RTL8A: variants seen among roughly 807,000 people sequenced by gnomAD.
RTL8A encodes retrotransposon Gag-like protein 8A.
Under a neutral mutation model 4.4 loss-of-function variants are expected in RTL8A, and 4 were observed. The ratio of observed to expected loss-of-function variants is 0.92; its 90% CI spans 0.45 to 2.10. The LOEUF is 2.10. Among genes scored for constraint, RTL8A ranks in the 30% most tolerant of loss-of-function variants. RTL8A has a pLI of 0.03. For synonymous variants in RTL8A, 47 were observed against 45.3 expected (o/e 1.04, Z -0.15); for missense variants, 84 against 99.4 (o/e 0.85, Z 0.66).
chrX:135,051,441 G>A lies in RTL8A; in HGVS notation c.*326C>T. The A allele has an allele frequency of 9.2e-7, 1 of 1,090,456 alleles. No homozygotes were observed. The highest frequency in any genetic ancestry group is 1.9e-5 in the South Asian group (1 of 51,327). The allele number at this position is 1,090,456 out of a possible 1,213,427, so 89.9% of individuals were successfully genotyped here. ...TGGGTTGGCAGCAGCGGCTGTGGGTGGTCTGTCCAGTATGTAACAGGAGCC... is the reference window on the plus strand; with the variant it reads ...TGGGTTGGCAGCAGCGGCTGTGGGTAGTCTGTCCAGTATGTAACAGGAGCC... On this transcript the variant is annotated 3_prime_UTR_variant, in exon 1 of 1. Coordinates refer to ENST00000370775, the MANE Select transcript of RTL8A (RefSeq NM_001078172.2).
chrX:135,051,579 G>T lies in RTL8A; in HGVS notation c.*188C>A. 9.0e-7 allele frequency: 1 copy of T among 1,114,921 alleles called. No homozygotes were observed. Among genetic ancestry groups the T allele is most frequent in the Non-Finnish European group, 1.2e-6 (1 of 846,968 alleles). 91.9% of individuals were successfully genotyped at this position (1,114,921 alleles called of 1,213,427 possible). On this transcript the variant is annotated 3_prime_UTR_variant, in exon 1 of 1. Transcript: ENST00000370775. Reference sequence around the variant, plus strand: ...GTGCGGCCCAGGAGCTGCAGCAGGAGCCTGGAGCGCTATTCCTGGAACAAA... The same window carrying T: ...GTGCGGCCCAGGAGCTGCAGCAGGATCCTGGAGCGCTATTCCTGGAACAAA...
rs1822617493 is a variant in RTL8A at position 135,051,688 on chromosome X, T to C, written c.*79A>G. The C allele has an allele frequency of 3.5e-6, 4 of 1,154,627 alleles. No homozygotes were observed. The highest frequency in any genetic ancestry group is 4.6e-6 in the Non-Finnish European group (4 of 870,565). On this transcript the variant is annotated 3_prime_UTR_variant, in exon 1 of 1. Transcript: ENST00000370775. ...GAGGGAGGCGCGGAGGGAGGGCGCCTGTGGAGACCCTAGCGGTGGCCACTG... is the reference window on the plus strand; with the variant it reads ...GAGGGAGGCGCGGAGGGAGGGCGCCCGTGGAGACCCTAGCGGTGGCCACTG...
chrX:135,051,187 T>C lies in RTL8A; in HGVS notation c.*580A>G. 2 of 571,346 alleles carry C rather than the reference T, an allele frequency of 3.5e-6. No homozygotes were observed. The highest frequency in any genetic ancestry group is 2.6e-6 in the Non-Finnish European group (1 of 380,794). The allele number at this position is 571,346 out of a possible 1,213,427, so 47.1% of individuals were successfully genotyped here. ...ATGTGGCAGGAACACAAGAGGTCTC[T>C]GGGGATGGGGAGGAAATGGGTCTCG... On this transcript the variant is annotated 3_prime_UTR_variant, in exon 1 of 1. Coordinates refer to ENST00000370775, the MANE Select transcript of RTL8A (RefSeq NM_001078172.2).
chrX:135,052,034 G>C lies in RTL8A; in HGVS notation c.75C>G (p.Asn25Lys), dbSNP rs1419291642. Residue 25 changes from asparagine (N) to lysine (K), a missense_variant, in exon 1 of 1, where the codon AAC becomes AAG. Coordinates refer to ENST00000370775, the MANE Select transcript of RTL8A (RefSeq NM_001078172.2). ...CAAACGTCTCGGGAAAGGGAATCGG[G>C]TTCCTCCAGCGACGCGCCGCGGGCC... ...PLRPAARRWR[N>K]PIPFPETFDG... The C allele has an allele frequency of 1.7e-6, 2 of 1,211,541 alleles. No individual in the cohort carries two copies. The highest frequency in any genetic ancestry group is 4.3e-5 in the Admixed American group (2 of 46,113).
Position 135,051,389 on chromosome X carries a change from T to G in RTL8A, c.*378A>C, listed in dbSNP as rs375282494. Reference sequence around the variant, plus strand: ...TAGGTCTGTGGGCAGAATGATGTAGTTGGCTGGCAGTCTGGAGGAGTGGAG... The same window carrying G: ...TAGGTCTGTGGGCAGAATGATGTAGGTGGCTGGCAGTCTGGAGGAGTGGAG... On this transcript the variant is annotated 3_prime_UTR_variant, in exon 1 of 1. Transcript: ENST00000370775. The G allele has an allele frequency of 2.9e-6, 3 of 1,030,855 alleles. No homozygotes were observed. In the African/African-American group the frequency reaches 5.8e-5, roughly 20 times the overall value. The allele number at this position is 1,030,855 out of a possible 1,213,427, so 85.0% of individuals were successfully genotyped here. A position where few individuals can be genotyped will look rare whatever the true frequency, so the allele number is the denominator to read the frequency against.
chrX:135,052,063 G>A lies in RTL8A; in HGVS notation c.46C>T (p.Leu16Phe). ...CTCCAGCGACGCGCCGCGGGCCGGA[G>A]GGGCCCGGCCAGGAGGGCCTTCATC... The part of the protein sequence containing the change: ...QLMKALLAGP[L>F]RPAARRWRNP... The change falls in exon 1 of 1, where the codon CTC (leucine) becomes TTC (phenylalanine). Residue 16 changes from leucine to phenylalanine, a missense_variant. Physicochemically the swap from Leu to Phe is conservative, Grantham distance 22 (BLOSUM62 0). Transcript: ENST00000370775. 8.3e-7 allele frequency: 1 copy of A among 1,211,455 alleles called. No homozygotes were observed. Among genetic ancestry groups the A allele is most frequent in the Non-Finnish European group, 1.1e-6 (1 of 895,012 alleles).
In RTL8A at chrX:135,051,348, G is replaced by C. The variant is rs192211359; in HGVS notation, c.*419C>G. ...CTGTTGGTGAGATGCGGTGGATGGCGATGGCAGTGGTAGCGTAGGTCTGTG... is the reference window on the plus strand; with the variant it reads ...CTGTTGGTGAGATGCGGTGGATGGCCATGGCAGTGGTAGCGTAGGTCTGTG... On this transcript the variant is annotated 3_prime_UTR_variant, in exon 1 of 1. Transcript: ENST00000370775. 1.3e-3 allele frequency: 1,280 copies of C among 998,502 alleles called. No individual in the cohort carries two copies. The highest frequency in any genetic ancestry group is 1.6e-3 in the Non-Finnish European group (1,228 of 766,806). The allele number at this position is 998,502 out of a possible 1,213,427, so 82.3% of individuals were successfully genotyped here.
Position 135,051,482 on chromosome X carries a change from G to A in RTL8A, c.*285C>T. ...AACAGGAGCCCAGCTTGCACCTGAA[G>A]TGCAGGACAGCGTCCAAATGTGCAT... On this transcript the variant is annotated 3_prime_UTR_variant, in exon 1 of 1. Transcript: ENST00000370775. 1 of 1,122,477 alleles carries A rather than the reference G, an allele frequency of 8.9e-7. No individual in the cohort carries two copies. The highest frequency in any genetic ancestry group is 1.2e-6 in the Non-Finnish European group (1 of 843,720). 92.5% of individuals were successfully genotyped at this position (1,122,477 alleles called of 1,213,427 possible).
rs886099824 is a variant in RTL8A at position 135,051,713 on chromosome X, G to A, written c.*54C>T. The stretch of plus-strand genomic sequence containing the variant: ...TGTGGAGACCCTAGCGGTGGCCACT[G>A]GCACAGCGAACTCTTCCCAGAGCAC... On this transcript the variant is annotated 3_prime_UTR_variant, in exon 1 of 1. Coordinates refer to ENST00000370775, the MANE Select transcript of RTL8A (RefSeq NM_001078172.2). 12 of 1,190,909 alleles carry A rather than the reference G, an allele frequency of 1.0e-5. No individual in the cohort carries two copies. The highest frequency in any genetic ancestry group is 5.6e-6 in the Non-Finnish European group (5 of 885,697).
In RTL8A at chrX:135,051,042, C is replaced by A. The variant is rs1199537203; in HGVS notation, c.*725G>T. 2.7e-5 allele frequency: 7 copies of A among 263,645 alleles called. No individual in the cohort carries two copies. The highest frequency in any genetic ancestry group is 2.0e-4 in the African/African-American group (7 of 34,853). The allele number at this position is 263,645 out of a possible 1,213,427, so 21.7% of individuals were successfully genotyped here. ...GGCTTACTGTGTTGAACAAAAGGCACCCATCAGAGAGACAGCTGCAAATTC... is the reference window on the plus strand; with the variant it reads ...GGCTTACTGTGTTGAACAAAAGGCAACCATCAGAGAGACAGCTGCAAATTC... On this transcript the variant is annotated 3_prime_UTR_variant, in exon 1 of 1. Transcript: ENST00000370775.
In RTL8A at chrX:135,051,453, A is replaced by G; in HGVS notation, c.*314T>C. The G allele has an allele frequency of 9.1e-7, 1 of 1,095,215 alleles. No individual in the cohort carries two copies. The highest frequency in any genetic ancestry group is 1.2e-6 in the Non-Finnish European group (1 of 826,801). 90.3% of individuals were successfully genotyped at this position (1,095,215 alleles called of 1,213,427 possible). A position where few individuals can be genotyped will look rare whatever the true frequency, so the allele number is the denominator to read the frequency against. ...AGCGGCTGTGGGTGGTCTGTCCAGTATGTAACAGGAGCCCAGCTTGCACCT... is the reference window on the plus strand; with the variant it reads ...AGCGGCTGTGGGTGGTCTGTCCAGTGTGTAACAGGAGCCCAGCTTGCACCT... On this transcript the variant is annotated 3_prime_UTR_variant, in exon 1 of 1. Coordinates refer to ENST00000370775, the MANE Select transcript of RTL8A (RefSeq NM_001078172.2).
Position 135,051,680 on chromosome X carries a change from A to T in RTL8A, c.*87T>A. 16 of 1,136,420 alleles carry T rather than the reference A, an allele frequency of 1.4e-5. No homozygotes were observed. Among genetic ancestry groups the T allele is most frequent in the Non-Finnish European group, 1.7e-5 (15 of 860,902 alleles). The allele number at this position is 1,136,420 out of a possible 1,213,427, so 93.7% of individuals were successfully genotyped here. Reference sequence around the variant, plus strand: ...TCGAGGGGGAGGGAGGCGCGGAGGGAGGGCGCCTGTGGAGACCCTAGCGGT... The same window carrying T: ...TCGAGGGGGAGGGAGGCGCGGAGGGTGGGCGCCTGTGGAGACCCTAGCGGT... On this transcript the variant is annotated 3_prime_UTR_variant, in exon 1 of 1. Transcript: ENST00000370775.
At position 135,051,362 on chromosome X, in the gene RTL8A, C is replaced by T. The variant is rs371481103; in HGVS notation, c.*405G>A. 4.0e-5 allele frequency: 40 copies of T among 1,006,094 alleles called. No individual in the cohort carries two copies. The highest frequency in any genetic ancestry group is 4.5e-5 in the Non-Finnish European group (35 of 771,884). The allele number at this position is 1,006,094 out of a possible 1,213,427, so 82.9% of individuals were successfully genotyped here. ...CGGTGGATGGCGATGGCAGTGGTAGCGTAGGTCTGTGGGCAGAATGATGTA... is the reference window on the plus strand; with the variant it reads ...CGGTGGATGGCGATGGCAGTGGTAGTGTAGGTCTGTGGGCAGAATGATGTA... On this transcript the variant is annotated 3_prime_UTR_variant, in exon 1 of 1. Transcript: ENST00000370775.
In RTL8A at chrX:135,051,176, C is replaced by A; in HGVS notation, c.*591G>T. On this transcript the variant is annotated 3_prime_UTR_variant, in exon 1 of 1. Coordinates refer to ENST00000370775, the MANE Select transcript of RTL8A (RefSeq NM_001078172.2). Reference sequence around the variant, plus strand: ...CCCTGGCAGCTATGTGGCAGGAACACAAGAGGTCTCTGGGGATGGGGAGGA... The same window carrying A: ...CCCTGGCAGCTATGTGGCAGGAACAAAAGAGGTCTCTGGGGATGGGGAGGA... 2.0e-6 allele frequency: 1 copy of A among 505,502 alleles called. No homozygotes were observed. The highest frequency in any genetic ancestry group is 3.1e-6 in the Non-Finnish European group (1 of 321,787). The allele number at this position is 505,502 out of a possible 1,213,427, so 41.7% of individuals were successfully genotyped here.
chrX:135,052,043 G>A lies in RTL8A; in HGVS notation c.66C>T (p.Arg22=). ...CGGGAAAGGGAATCGGGTTCCTCCA[G>A]CGACGCGCCGCGGGCCGGAGGGGCC... ...LAGPLRPAAR[R]WRNPIPFPET... is the part of the protein sequence containing the mutation. The change falls in exon 1 of 1, where the codon CGC becomes CGT. Residue 22 remains arginine, a synonymous_variant. Transcript: ENST00000370775. 8.2e-7 allele frequency: 1 copy of A among 1,212,234 alleles called. No homozygotes were observed. The highest frequency in any genetic ancestry group is 1.1e-6 in the Non-Finnish European group (1 of 895,435).
In RTL8A at chrX:135,051,218, G is replaced by T; in HGVS notation, c.*549C>A. 1 of 796,419 alleles carries T rather than the reference G, an allele frequency of 1.3e-6. No individual in the cohort carries two copies. Among genetic ancestry groups the T allele is most frequent in the Non-Finnish European group, 1.7e-6 (1 of 584,746 alleles). The allele number at this position is 796,419 out of a possible 1,213,427, so 65.6% of individuals were successfully genotyped here. A position where few individuals can be genotyped will look rare whatever the true frequency, so the allele number is the denominator to read the frequency against. Reference sequence around the variant, plus strand: ...TGGGGAGGAAATGGGTCTCGCTGAAGGTGACAGGCTCCTTGGGGGACGGCC... The same window carrying T: ...TGGGGAGGAAATGGGTCTCGCTGAATGTGACAGGCTCCTTGGGGGACGGCC... On this transcript the variant is annotated 3_prime_UTR_variant, in exon 1 of 1. Transcript: ENST00000370775.
Position 135,051,140 on chromosome X carries a change from G to T in RTL8A, c.*627C>A. ...ATGAGAGATTCGATTTGGTTGCCAGGCACACTTAAGCCCTGGCAGCTATGT... is the reference window on the plus strand; with the variant it reads ...ATGAGAGATTCGATTTGGTTGCCAGTCACACTTAAGCCCTGGCAGCTATGT... On this transcript the variant is annotated 3_prime_UTR_variant, in exon 1 of 1. Coordinates refer to ENST00000370775, the MANE Select transcript of RTL8A (RefSeq NM_001078172.2). 1 of 336,625 alleles carries T rather than the reference G, an allele frequency of 3.0e-6. No homozygotes were observed. 27.7% of individuals were successfully genotyped at this position (336,625 alleles called of 1,213,427 possible). A position where few individuals can be genotyped will look rare whatever the true frequency, so the allele number is the denominator to read the frequency against.
At position 135,052,062 on chromosome X, in the gene RTL8A, A is replaced by C; in HGVS notation, c.47T>G (p.Leu16Arg). 8.3e-7 allele frequency: 1 copy of C among 1,211,063 alleles called. No individual in the cohort carries two copies. The highest frequency in any genetic ancestry group is 1.1e-6 in the Non-Finnish European group (1 of 894,917). ...QLMKALLAGPLRPAARRWRNP... is the reference protein window; with the variant it reads ...QLMKALLAGPRRPAARRWRNP... ...CCTCCAGCGACGCGCCGCGGGCCGG[A>C]GGGGCCCGGCCAGGAGGGCCTTCAT... The change falls in exon 1 of 1, where the codon CTC (leucine) becomes CGC (arginine). Residue 16 changes from leucine (L) to arginine (R), a missense_variant. Physicochemically the swap from Leu to Arg is moderately radical, Grantham distance 102. Transcript: ENST00000370775.
chrX:135,051,329 G>C lies in RTL8A; in HGVS notation c.*438C>G. On this transcript the variant is annotated 3_prime_UTR_variant, in exon 1 of 1. Transcript: ENST00000370775. ...CATCACTAGGAGCCACAGTCTGTTG[G>C]TGAGATGCGGTGGATGGCGATGGCA... 6.0e-6 allele frequency: 6 copies of C among 993,045 alleles called. No individual in the cohort carries two copies. Among genetic ancestry groups the C allele is most frequent in the Non-Finnish European group, 6.6e-6 (5 of 762,323 alleles). 81.8% of individuals were successfully genotyped at this position (993,045 alleles called of 1,213,427 possible). A position where few individuals can be genotyped will look rare whatever the true frequency, so the allele number is the denominator to read the frequency against.
Sources: gnomAD v4.1 joint callset for allele counts on GRCh38, gnomAD v4.1.1 for gene constraint, MANE v1.5 for transcripts, NCBI Gene and HGNC (gene_info 2026-07-23, HGNC 2026-07-21) for gene names.